Variants in MGMT observed in about 807,000 individuals in gnomAD.
MGMT encodes O-6-methylguanine-DNA methyltransferase, also known as methylated-DNA--protein-cysteine methyltransferase.
MGMT carries 14 observed loss-of-function variants against 15.9 expected under a neutral mutation model. That is an observed-to-expected ratio of 0.88 (90% CI 0.58 to 1.37). MGMT has a LOEUF of 1.37. Ranked by LOEUF, MGMT falls within the 40% of genes most tolerant of loss-of-function variation. The pLI is 0.00. For missense variants in MGMT, 282 were observed against 268.1 expected, an observed-to-expected ratio of 1.05 and a Z score of -0.36; for synonymous variants, 130 against 118.2, an observed-to-expected ratio of 1.10 and a Z score of -0.65.
At chr10:129,763,401 A>T (rs903823029) in intron 4 of MGMT, among the ~76,000 whole-genome samples, 1 of 152,308 alleles carries the variant, frequency 6.6e-6, no homozygotes, top group East Asian at 1.9e-4. Context: ...CGGTAAAAAT[A>T]GTGCCTATTT....
At chr10:129,485,252 C>T (rs1227166866) in intron 1 of MGMT, among the ~76,000 whole-genome samples, 2 of 152,142 alleles carry the variant, frequency 1.3e-5, no homozygotes, top group Non-Finnish European at 2.9e-5. Flanking sequence ...GCCCTTCTTC[C>T]CTGGTACTCC....
Position 129,659,144 on chromosome 10 carries a change from G to T in MGMT, c.126-48751G>T, listed in dbSNP as rs775807303. Reference sequence around the variant, plus strand: ...GGCCGAGGCAGGTGGATTACCTAAGGTCAGGAGTTCGAGACCAGCCTGGCC... The same window carrying T: ...GGCCGAGGCAGGTGGATTACCTAAGTTCAGGAGTTCGAGACCAGCCTGGCC... On this transcript the variant is annotated intron_variant, in intron 2 of 4. Coordinates refer to ENST00000651593, the MANE Select transcript of MGMT (RefSeq NM_002412.5). The surrounding 1 kb of genome is among the most constrained non-coding windows in gnomAD (Gnocchi z 4.1). 6.6e-6 allele frequency among the ~76,000 whole-genome samples: 1 copy of T among 152,120 alleles called. No homozygotes were observed. The highest frequency in any genetic ancestry group is 2.4e-5 in the African/African-American group (1 of 41,414).
intron 3 of MGMT, among the ~76,000 whole-genome samples, chr10:129,709,961 C>A (rs1374962062): frequency 6.6e-6 from 1 of 152,240 alleles, no homozygotes; most frequent in African/African-American, 2.4e-5. Flanking sequence ...CCTGCAAGCA[C>A]TGAACCCCCG....
At chr10:129,520,719 C>T (rs898962395) in intron 1 of MGMT, among the ~76,000 whole-genome samples, 3 of 151,512 alleles carry the variant, frequency 2.0e-5, no homozygotes, top group Non-Finnish European at 1.5e-5. Context: ...GGGTGCAGAC[C>T]CCCTATGGTG....
chr10:129,517,224 A>T, intron 1 of MGMT, among the ~76,000 whole-genome samples: 1 of 152,198 alleles, frequency 6.6e-6, no homozygotes, highest in East Asian at 1.9e-4. Flanking sequence ...AGTCTTCTGA[A>T]TGGACCTCAG....
chr10:129,638,194 G>C (rs1490918795), intron 2 of MGMT, among the ~76,000 whole-genome samples: 2 of 151,880 alleles, frequency 1.3e-5, no homozygotes, highest in South Asian at 4.2e-4. Flanking sequence ...AATCTGTAAC[G>C]GTTTAGAACT....
chr10:129,564,736 GTC>G (rs1846333609), intron 2 of MGMT, among the ~76,000 whole-genome samples: 1 of 109,446 alleles, frequency 9.1e-6, no homozygotes, highest in Non-Finnish European at 1.9e-5. Flanking sequence ...CTTTTCCTCT[GTC>G]TTCCTGTTTT....
intron 2 of MGMT, among the ~76,000 whole-genome samples, chr10:129,565,771 A>G (rs1846347687): frequency 6.6e-6 from 1 of 152,144 alleles, no homozygotes; most frequent in Admixed American, 6.5e-5. Flanking sequence ...TAGCGGCCCT[A>G]CTGTGAGATC....
In MGMT at chr10:129,763,274, A is replaced by G. The variant is rs1848895708; in HGVS notation, c.415-3514A>G. Among the ~76,000 whole-genome samples, 6 of 152,224 alleles carry G rather than the reference A, an allele frequency of 3.9e-5. No homozygotes were observed. In the South Asian group the frequency reaches 1.2e-3, roughly 32 times the overall value. ...TTAAAGGAGAGGGCATAGAGGGTAC[A>G]GATCCTTTGAAAATGTCCTTAGGGC... On this transcript the variant is annotated intron_variant, in intron 4 of 4. Coordinates refer to ENST00000651593, the MANE Select transcript of MGMT (RefSeq NM_002412.5).
intron 1 of MGMT, among the ~76,000 whole-genome samples, chr10:129,489,574 G>A (rs1439809255): frequency 3.3e-5 from 5 of 151,978 alleles, no homozygotes; most frequent in Admixed American, 6.6e-5. Flanking sequence ...AGATCTTTAG[G>A]ATATGAATCT....
At chr10:129,514,786 T>G (rs1845720610) in intron 1 of MGMT, among the ~76,000 whole-genome samples, 1 of 152,176 alleles carries the variant, frequency 6.6e-6, no homozygotes, top group African/African-American at 2.4e-5. Flanking sequence ...TGCCGGCGCC[T>G]TGGTCTTAGA....
chr10:129,698,098 G>C (rs2133133210), intron 2 of MGMT, among the ~76,000 whole-genome samples: 1 of 152,250 alleles, frequency 6.6e-6, no homozygotes. Context: ...GCCTGCAGGG[G>C]TACCCACCCT....
At chr10:129,613,881 G>A (rs1220444591) in intron 2 of MGMT, among the ~76,000 whole-genome samples, 1 of 152,240 alleles carries the variant, frequency 6.6e-6, no homozygotes, top group East Asian at 1.9e-4. Context: ...ACAACTGAAA[G>A]GGCCGGTCAG....
At chr10:129,626,960 A>C (rs1272484926) in intron 2 of MGMT, among the ~76,000 whole-genome samples, 1 of 152,164 alleles carries the variant, frequency 6.6e-6, no homozygotes, top group African/African-American at 2.4e-5. Flanking sequence ...GCGCACCCAG[A>C]GATCAAGGAG....
intron 2 of MGMT, among the ~76,000 whole-genome samples, chr10:129,642,936 G>GAA (rs1037054955): frequency 6.9e-6 from 1 of 145,464 alleles, no homozygotes; most frequent in Admixed American, 6.9e-5. Context: ...TGTCTCTTAA[G>GAA]AAAAAAAAAA....
intron 1 of MGMT, among the ~76,000 whole-genome samples, chr10:129,488,857 T>G (rs11016810): frequency 0.22 from 32,803 of 152,018 alleles, 4,152 homozygotes; most frequent in Non-Finnish European, 0.28. Flanking sequence ...TGCAAATATA[T>G]GACAAACATG....
chr10:129,717,056 A>G, intron 3 of MGMT, among the ~76,000 whole-genome samples: 1 of 152,232 alleles, frequency 6.6e-6, no homozygotes. Context: ...GTAATTTAGT[A>G]GAGGACTACC....
At chr10:129,601,636 C>G (rs1846822969) in intron 2 of MGMT, among the ~76,000 whole-genome samples, 1 of 152,186 alleles carries the variant, frequency 6.6e-6, no homozygotes, top group African/African-American at 2.4e-5. Context: ...AGAAATCCAA[C>G]CATGGGAGCT....
intron 2 of MGMT, among the ~76,000 whole-genome samples, chr10:129,658,304 C>T (rs1245988151): frequency 6.6e-6 from 1 of 152,112 alleles, no homozygotes; most frequent in African/African-American, 2.4e-5. Context: ...CGAACAGCGT[C>T]GCCTTGCCTT....
Sources: gnomAD v4.1 joint callset for allele counts (sites outside exome capture counted in the v4.1 genomes callset) on GRCh38, gnomAD v4.1.1 for gene constraint, Gnocchi (gnomAD v3.1) non-coding constraint, MANE v1.5 for transcripts, NCBI Gene and HGNC (gene_info 2026-07-23, HGNC 2026-07-21) for gene names.